EYA1: variants seen among roughly 807,000 people sequenced by gnomAD.
The protein encoded by EYA1 is EYA transcriptional coactivator and phosphatase 1.
In EYA1, 16 loss-of-function variants were observed where a neutral mutation model predicts 82.0. That is an observed-to-expected ratio of 0.20 (90% CI 0.13 to 0.30). The LOEUF is 0.30. Ranked by LOEUF, EYA1 falls within the 10% of genes least tolerant of loss-of-function variation. EYA1 has a pLI of 1.00. For synonymous variants in EYA1, 261 were observed against 264.4 expected (o/e 0.99, Z 0.12); for missense variants, 633 against 730.7 (o/e 0.87, Z 1.54).
At chr8:71,452,618 C>T (rs1221125007) in intron 2 of EYA1, among the ~76,000 whole-genome samples, 5 of 152,198 alleles carry the variant, frequency 3.3e-5, no homozygotes, top group African/African-American at 4.8e-5. Flanking sequence ...CAGCAATATT[C>T]GCTGTTCTGC....
intron 2 of EYA1, among the ~76,000 whole-genome samples, chr8:71,476,727 C>T (rs1809694192): frequency 6.6e-6 from 1 of 151,884 alleles, no homozygotes; most frequent in Admixed American, 6.6e-5. Context: ...TAAGTTGTTC[C>T]TAAAATTCAA....
intron 2 of EYA1, among the ~76,000 whole-genome samples, chr8:71,385,585 C>T (rs1175097579): frequency 6.6e-6 from 1 of 152,114 alleles, no homozygotes; most frequent in African/African-American, 2.4e-5. Flanking sequence ...CCACAACATT[C>T]CTTAGATTAG....
chr8:71,452,146 C>A (rs143336636), intron 2 of EYA1, among the ~76,000 whole-genome samples: 6,342 of 152,290 alleles, frequency 0.042, 446 homozygotes, highest in African/African-American at 0.14. Context: ...TTGGAGGGTC[C>A]CACACCCACA....
chr8:71,280,086 A>G (rs2128966970), intron 9 of EYA1, among the ~76,000 whole-genome samples: 1 of 152,314 alleles, frequency 6.6e-6, no homozygotes, highest in South Asian at 2.1e-4. Context: ...TCTCTAACAT[A>G]ATGGCCAGGT....
chr8:71,449,359 G>A (rs1208801823), intron 2 of EYA1: 1 of 152,316 alleles, frequency 6.6e-6, no homozygotes, highest in Non-Finnish European at 1.5e-5. Context: ...GCTGCAGAAT[G>A]GAAGCTGTGT....
rs1820915242 is a variant in EYA1 at position 71,308,014 on chromosome 8, T to C, written c.557-8294A>G. 9.2e-5 allele frequency among the ~76,000 whole-genome samples: 14 copies of C among 152,346 alleles called. No homozygotes were observed. The South Asian group carries it at 2.7e-3, about 29-fold the overall frequency. On this transcript the variant is annotated intron_variant, in intron 7 of 17. Transcript: ENST00000340726. ...TAGTTCAATCTTTCCACATCCATTT[T>C]CTGAGGTTATTTCCAACATCATCAT...
intron 9 of EYA1, among the ~76,000 whole-genome samples, chr8:71,279,286 G>A (rs569393111): frequency 1.3e-5 from 2 of 152,268 alleles, no homozygotes; most frequent in Admixed American, 1.3e-4. Context: ...AAAGCACATT[G>A]TACACATGAG....
chr8:71,244,531 T>A, intron 12 of EYA1, 72 bp downstream of exon 12: 1 of 797,338 alleles, frequency 1.3e-6, no homozygotes, highest in Non-Finnish European at 2.1e-6. Context: ...AAAAATAATA[T>A]CCTATCTTTA....
intron 9 of EYA1, among the ~76,000 whole-genome samples, chr8:71,285,275 A>C (rs560551744): frequency 6.6e-6 from 1 of 152,352 alleles, no homozygotes; most frequent in African/African-American, 2.4e-5. Flanking sequence ...AGCTGAATCA[A>C]GGCAAGTAAT....
At chr8:71,412,430 AAAAAG>A (rs1376081509) in intron 2 of EYA1, among the ~76,000 whole-genome samples, 3 of 148,140 alleles carry the variant, frequency 2.0e-5, no homozygotes, top group African/African-American at 7.3e-5. Flanking sequence ...ATAAAATAAA[AAAAAG>A]AAATTGTTGT....
intron 11 of EYA1, among the ~76,000 whole-genome samples, chr8:71,250,143 T>C (rs1029963497): frequency 6.6e-6 from 1 of 152,018 alleles, no homozygotes; most frequent in Admixed American, 6.5e-5. Flanking sequence ...CAGCCTCTCA[T>C]CTCTTTCAAA....
intron 2 of EYA1, among the ~76,000 whole-genome samples, chr8:71,398,658 C>G (rs1407787272): frequency 1.3e-5 from 2 of 152,220 alleles, no homozygotes; most frequent in East Asian, 3.8e-4. Context: ...CCTCTGGAAG[C>G]TTCGTCTCAG....
intron 2 of EYA1, among the ~76,000 whole-genome samples, chr8:71,396,461 A>G (rs7835254): frequency 0.035 from 5,390 of 152,158 alleles, 332 homozygotes; most frequent in African/African-American, 0.12. Flanking sequence ...ACACTGCTTT[A>G]AATGTGTCCC....
intron 11 of EYA1, among the ~76,000 whole-genome samples, chr8:71,253,547 A>G (rs571332998): frequency 3.3e-5 from 5 of 152,274 alleles, no homozygotes; most frequent in African/African-American, 1.2e-4. Context: ...AAATCTCTAA[A>G]TCTCTAATAA....
In EYA1 at chr8:71,379,602, C is replaced by T. The variant is rs530392190; in HGVS notation, c.34-23091G>A. 5.3e-5 allele frequency among the ~76,000 whole-genome samples: 8 copies of T among 152,304 alleles called. No individual in the cohort carries two copies. In the South Asian group the frequency reaches 1.2e-3, roughly 24 times the overall value. ...GAAAAATAAAGTTACCCTCATTTCA[C>T]ACCTGAATTGTACATGAATTGTGAT... is the stretch of plus-strand genomic sequence containing the variant. On this transcript the variant is annotated intron_variant, in intron 2 of 18. Coordinates refer to the EYA1 transcript ENST00000643681.
chr8:71,421,331 C>A (rs1342764156), intron 2 of EYA1, among the ~76,000 whole-genome samples: 1 of 152,170 alleles, frequency 6.6e-6, no homozygotes, highest in African/African-American at 2.4e-5. Context: ...TGAAAGGACA[C>A]TGGACACTTC....
At chr8:71,544,278 G>C (rs557439972) in intron 1 of EYA1, among the ~76,000 whole-genome samples, 17 of 152,278 alleles carry the variant, frequency 1.1e-4, no homozygotes, top group African/African-American at 3.9e-4. Context: ...AGGATGTTGT[G>C]ATGGGGTCAC....
chr8:71,412,491 A>C (rs1048091710), intron 2 of EYA1, among the ~76,000 whole-genome samples: 3 of 152,164 alleles, frequency 2.0e-5, no homozygotes, highest in Non-Finnish European at 4.4e-5. Context: ...GCATATGTTT[A>C]AGTGACCTTA....
chr8:71,481,076 A>C (rs1344169806), intron 2 of EYA1, among the ~76,000 whole-genome samples: 1 of 152,156 alleles, frequency 6.6e-6, no homozygotes, highest in Admixed American at 6.6e-5. Flanking sequence ...AGAATATTTC[A>C]AGGCATTAAG....
Sources: gnomAD v4.1 joint callset for allele counts (sites outside exome capture counted in the v4.1 genomes callset) on GRCh38, gnomAD v4.1.1 for gene constraint, MANE v1.5 for transcripts, NCBI Gene and HGNC (gene_info 2026-07-23, HGNC 2026-07-21) for gene names.